Variants in CLDN15 observed in about 807,000 individuals in gnomAD.
CLDN15 encodes the protein claudin 15.
A neutral mutation model predicts 24.5 loss-of-function variants in CLDN15; 9 were observed. That is an observed-to-expected ratio of 0.37 (90% CI 0.22 to 0.64). The LOEUF (loss-of-function observed/expected upper bound fraction) is 0.64. Ranked by LOEUF, CLDN15 falls within the 30% of genes least tolerant of loss-of-function variation. The pLI is 0.63. For missense variants in CLDN15, 248 were observed against 305.9 expected (o/e 0.81, Z 1.41); for synonymous variants, 149 against 131.4 (o/e 1.13, Z -0.92).
chr7:101,234,571 C>T, intron 1 of CLDN15, 129 bp from the exon 2 acceptor site: 1 of 629,650 alleles, frequency 1.6e-6, no homozygotes, highest in East Asian at 2.8e-5. Flanking sequence ...GGATTACAGA[C>T]ACGCACCACC....
Position 101,237,603 on chromosome 7 carries a change from G to A in CLDN15, c.-22C>T, listed in dbSNP as rs759422381. ...ACATGGTGGGATGCAGGACCCTGGG[G>A]GGCTGGTGCCCCAGAGAGGGGGAGG... On this transcript the variant is annotated 5_prime_UTR_variant, in exon 1 of 5. Coordinates refer to ENST00000308344, the MANE Select transcript of CLDN15 (RefSeq NM_014343.3). The surrounding 1 kb of genome is among the most constrained non-coding windows in gnomAD (Gnocchi z 4.0). The A allele has an allele frequency of 3.0e-5, 48 of 1,590,862 alleles. 1 individual carries two copies. The South Asian group carries it at 4.2e-4, about 14-fold the overall frequency.
intron 2 of CLDN15, 187 bp downstream of exon 2, chr7:101,234,091 G>C (rs761689391): frequency 1.8e-5 from 13 of 723,012 alleles, no homozygotes; most frequent in Non-Finnish European, 2.8e-5. Context: ...AAACACTGCC[G>C]ATGGGCTGAT....
At chr7:101,235,684 G>T (rs1798607554) in intron 1 of CLDN15, among the ~76,000 whole-genome samples, 1 of 152,190 alleles carries the variant, frequency 6.6e-6, no homozygotes, top group South Asian at 2.1e-4. Context: ...AGGGTGCAGA[G>T]TCGGGGGGTA....
chr7:101,234,222 C>T, intron 2 of CLDN15, 56 bp downstream of exon 2: 1 of 1,363,922 alleles, frequency 7.3e-7, no homozygotes, highest in Non-Finnish European at 1.0e-6. Flanking sequence ...GAGGACAAAG[C>T]AGCCTGAAGT....
chr7:101,238,263 T>C (rs1798673425), upstream of CLDN15: 1 of 154,430 alleles, frequency 6.5e-6, no homozygotes, highest in Admixed American at 6.4e-5. Flanking sequence ...CCCACAGCTC[T>C]GGGCTCCATC....
intron 1 of CLDN15, among the ~76,000 whole-genome samples, chr7:101,235,042 C>T (rs1224058204): frequency 6.6e-6 from 1 of 152,284 alleles, no homozygotes; most frequent in East Asian, 1.9e-4. Flanking sequence ...CAAGCTGTGA[C>T]AATCATTGTG....
chr7:101,236,011 C>T lies in CLDN15; in HGVS notation c.217+1354G>A, dbSNP rs1363263055. ...CTTCCCCACTGTGGAAAAATGTAGG[C>T]AGAAGCACCTAGCCCAAGGCCCGGA... On this transcript the variant is annotated intron_variant, in intron 1 of 4. Coordinates refer to ENST00000308344, the MANE Select transcript of CLDN15 (RefSeq NM_014343.3). 3.3e-5 allele frequency among the ~76,000 whole-genome samples: 5 copies of T among 152,136 alleles called. No individual in the cohort carries two copies. In the East Asian group the frequency reaches 9.6e-4, roughly 29 times the overall value.
chr7:101,234,151 G>A, intron 2 of CLDN15, 127 bp downstream of exon 2: 1 of 823,652 alleles, frequency 1.2e-6, no homozygotes, highest in Admixed American at 1.7e-5. Flanking sequence ...GTGAGCAGGT[G>A]TCCATGCAGC....
At chr7:101,237,955 A>T (rs1798668433), upstream of CLDN15, 1 of 319,190 alleles carries the variant, frequency 3.1e-6, no homozygotes, top group South Asian at 3.0e-5. This position sits in a 1 kb window ranked among gnomAD's most constrained non-coding sequence, Gnocchi z 4.0. Flanking sequence ...CCACTGACGG[A>T]TACAGCCAAG....
At chr7:101,236,521 G>A (rs910352766) in intron 1 of CLDN15, among the ~76,000 whole-genome samples, 2 of 152,222 alleles carry the variant, frequency 1.3e-5, no homozygotes, top group Non-Finnish European at 1.5e-5. Flanking sequence ...CCAGGAGGGC[G>A]TGCAGCGGCA....
Position 101,237,353 on chromosome 7 carries a change from C to A in CLDN15, c.217+12G>T. On this transcript the variant is annotated intron_variant, in intron 1 of 4. Coordinates refer to ENST00000308344, the MANE Select transcript of CLDN15 (RefSeq NM_014343.3). The surrounding 1 kb of genome is among the most constrained non-coding windows in gnomAD (Gnocchi z 4.0). ...GCCGCCCTCTCTCCCTGGAGCGCTC[C>A]CCACCCCATACCAGAGAGGGCCAGC... 1 of 1,578,738 alleles carries A rather than the reference C, an allele frequency of 6.3e-7. No individual in the cohort carries two copies. Among genetic ancestry groups the A allele is most frequent in the African/African-American group, 1.4e-5 (1 of 73,620 alleles).
intron 2 of CLDN15, 124 bp from the exon 3 acceptor site, chr7:101,233,038 T>C (rs2116834626): frequency 7.2e-6 from 5 of 690,460 alleles, no homozygotes; most frequent in South Asian, 1.6e-5. Context: ...AGAGCAGCAA[T>C]TTCACTCAAT....
chr7:101,235,331 A>G (rs1798601181), intron 1 of CLDN15, among the ~76,000 whole-genome samples: 1 of 152,102 alleles, frequency 6.6e-6, no homozygotes, highest in African/African-American at 2.4e-5. Context: ...ACTACAGCTC[A>G]TCACTGTAGC....
intron 1 of CLDN15, among the ~76,000 whole-genome samples, chr7:101,235,273 T>C (rs549628452): frequency 4.9e-4 from 74 of 152,306 alleles, no homozygotes; most frequent in African/African-American, 1.5e-3. Flanking sequence ...AGGGCAGTTT[T>C]AGAGACAGGG....
chr7:101,235,005 G>A (rs555989876), intron 1 of CLDN15, among the ~76,000 whole-genome samples: 2 of 152,206 alleles, frequency 1.3e-5, no homozygotes, highest in East Asian at 1.9e-4. Flanking sequence ...CTCTACCCAC[G>A]GGGTGCCAGT....
chr7:101,237,574 A>G lies in CLDN15; in HGVS notation c.8T>C (p.Met3Thr), dbSNP rs768884335. Residue 3 changes from methionine to threonine, a missense_variant, in exon 1 of 5, where the codon ATG (methionine) becomes ACG (threonine). By Grantham distance (81) the Met-to-Thr change is moderately conservative. Transcript: ENST00000308344. The surrounding 1 kb of genome is among the most constrained non-coding windows in gnomAD (Gnocchi z 4.0). MS[M>T]AVETFGFFMA... is the part of the protein sequence containing the mutation. Reference sequence around the variant, plus strand: ...GAAGAAGCCAAAGGTTTCCACAGCCATCGACATGGTGGGATGCAGGACCCT... The same window carrying G: ...GAAGAAGCCAAAGGTTTCCACAGCCGTCGACATGGTGGGATGCAGGACCCT... 6.2e-7 allele frequency: 1 copy of G among 1,613,848 alleles called. No individual in the cohort carries two copies. The highest frequency in any genetic ancestry group is 8.5e-7 in the Non-Finnish European group (1 of 1,179,740).
At chr7:101,236,715 CAGAA>C (rs1562905283) in intron 1 of CLDN15, 3 of 1,290,126 alleles carry the variant, frequency 2.3e-6, no homozygotes, top group South Asian at 2.5e-5. Flanking sequence ...TCTAAGACCC[CAGAA>C]AGACACTGTC....
At chr7:101,234,181 T>G in intron 2 of CLDN15, 97 bp downstream of exon 2, 78 of 984,914 alleles carry the variant, frequency 7.9e-5, no homozygotes, top group Non-Finnish European at 1.1e-4. Context: ...GAGGTGAGCA[T>G]GAGGAGTGGG....
chr7:101,234,892 C>G (rs747862898), intron 1 of CLDN15, among the ~76,000 whole-genome samples: 7 of 152,068 alleles, frequency 4.6e-5, no homozygotes, highest in Non-Finnish European at 8.8e-5. Flanking sequence ...TTGCTTGTGC[C>G]TGGATTACAG....
Sources: allele counts gnomAD v4.1 joint callset (sites outside exome capture counted in the v4.1 genomes callset), GRCh38; gene constraint gnomAD v4.1.1; non-coding constraint Gnocchi (gnomAD v3.1); transcripts MANE v1.5; gene names NCBI Gene and HGNC (gene_info 2026-07-23, HGNC 2026-07-21).